Variants in SYT10 observed in about 807,000 individuals in gnomAD.
SYT10 encodes synaptotagmin 10, also known as synaptotagmin-10.
A neutral mutation model predicts 51.1 loss-of-function variants in SYT10; 31 were observed. The observed-to-expected ratio is 0.61, with a 90% CI of 0.46 to 0.82. The LOEUF (loss-of-function observed/expected upper bound fraction) is 0.82. Among genes scored for constraint, SYT10 ranks in the 40% least tolerant of loss-of-function variants. The pLI, the probability that SYT10 is intolerant of heterozygous loss-of-function variation, is 0.00. For synonymous variants in SYT10, 233 were observed against 225.9 expected (o/e 1.03, Z -0.28); for missense variants, 603 against 634.0 (o/e 0.95, Z 0.53).
chr12:33,424,093 T>C (rs555289223), intron 2 of SYT10: 11 of 432,556 alleles, frequency 2.5e-5, no homozygotes, highest in South Asian at 1.3e-4. Context: ...GTTGCAGTTT[T>C]TCCTCTTACA....
intron 2 of SYT10, among the ~76,000 whole-genome samples, chr12:33,411,747 T>C (rs1399716863): frequency 6.6e-6 from 1 of 152,120 alleles, no homozygotes; most frequent in African/African-American, 2.4e-5. Context: ...AATCTTGAAG[T>C]GATTTGTTTC....
At chr12:33,426,632 A>G in intron 1 of SYT10, 137 bp from the exon 2 acceptor site, 1 of 824,368 alleles carries the variant, frequency 1.2e-6, no homozygotes, top group Non-Finnish European at 1.8e-6. Flanking sequence ...TTATCTTTGT[A>G]GGAAGAAAAG....
chr12:33,435,542 C>T (rs1391772530), intron 1 of SYT10, among the ~76,000 whole-genome samples: 4 of 152,186 alleles, frequency 2.6e-5, no homozygotes, highest in East Asian at 1.9e-4. Flanking sequence ...ATTCTGAATT[C>T]ACTGTGGCTC....
intron 3 of SYT10, among the ~76,000 whole-genome samples, chr12:33,392,552 G>A (rs1423437046): frequency 6.6e-6 from 1 of 152,072 alleles, no homozygotes; most frequent in Non-Finnish European, 1.5e-5. Flanking sequence ...ACAAAACCTA[G>A]TGAGATTACT....
intron 1 of SYT10, among the ~76,000 whole-genome samples, chr12:33,437,369 A>G (rs1042265431): frequency 1.5e-4 from 23 of 152,244 alleles, no homozygotes; most frequent in African/African-American, 5.5e-4. Context: ...CCCAAGGGGA[A>G]AAGTTCAAAA....
chr12:33,380,085 C>T, intron 5 of SYT10, 124 bp from the exon 6 acceptor site: 1 of 981,058 alleles, frequency 1.0e-6, no homozygotes, highest in Non-Finnish European at 1.4e-6. Context: ...GCAGATTATG[C>T]TACTTCAGAC....
chr12:33,420,228 T>C (rs184578080), intron 2 of SYT10, among the ~76,000 whole-genome samples: 16 of 152,342 alleles, frequency 1.1e-4, no homozygotes, highest in Admixed American at 9.8e-4. Context: ...TTCTTCTAAA[T>C]TGTGGTCTTT....
chr12:33,390,348 C>A (rs1221832810), intron 3 of SYT10, among the ~76,000 whole-genome samples: 9 of 152,028 alleles, frequency 5.9e-5, no homozygotes, highest in Non-Finnish European at 1.3e-4. Context: ...AAAGGCCATA[C>A]GGGATAATAA....
At chr12:33,398,173 A>C (rs1337437481) in intron 3 of SYT10, among the ~76,000 whole-genome samples, 1 of 152,152 alleles carries the variant, frequency 6.6e-6, no homozygotes, top group African/African-American at 2.4e-5. Flanking sequence ...GATGAGGTCC[A>C]GGCCAGACGG....
chr12:33,400,331 T>C, intron 3 of SYT10, among the ~76,000 whole-genome samples: 1 of 152,196 alleles, frequency 6.6e-6, no homozygotes, highest in Middle Eastern at 3.2e-3. Flanking sequence ...TTTAGTAATG[T>C]GTAATAAAAT....
chr12:33,396,107 A>C (rs1866253914), intron 3 of SYT10, among the ~76,000 whole-genome samples: 1 of 152,208 alleles, frequency 6.6e-6, no homozygotes. Context: ...TATGATCTAG[A>C]CATGAGACTC....
intron 6 of SYT10, among the ~76,000 whole-genome samples, chr12:33,378,534 CAGAG>C (rs1247877184): frequency 6.6e-6 from 1 of 152,086 alleles, no homozygotes; most frequent in Non-Finnish European, 1.5e-5. Context: ...AGTAGACAGC[CAGAG>C]AAACAAAATT....
At chr12:33,400,155 T>C (rs1473328771) in intron 3 of SYT10, among the ~76,000 whole-genome samples, 1 of 152,184 alleles carries the variant, frequency 6.6e-6, no homozygotes, top group African/African-American at 2.4e-5. Flanking sequence ...AAAATGTTAT[T>C]AGCTGACACA....
rs1300709661 is a variant in SYT10 at position 33,439,774 on chromosome 12, C to G, written c.-252G>C. 2.0e-6 allele frequency: 1 copy of G among 488,754 alleles called. No homozygotes were observed. 30.3% of individuals were successfully genotyped at this position (488,754 alleles called of 1,614,324 possible). A position where few individuals can be genotyped will look rare whatever the true frequency, so the allele number is the denominator to read the frequency against. ...GAGGTTTGCGCCAACTCTCCCGCCG[C>G]GCGAGCGAGCCGAGGCGCGCTGGAA... On this transcript the variant is annotated 5_prime_UTR_variant, in exon 1 of 7. Transcript: ENST00000228567.
chr12:33,429,723 G>T (rs957593584), intron 1 of SYT10, among the ~76,000 whole-genome samples: 3 of 152,160 alleles, frequency 2.0e-5, no homozygotes, highest in African/African-American at 7.2e-5. Context: ...ATAGACTGGA[G>T]TTTCTAAATG....
At chr12:33,400,065 C>T (rs1479882739) in intron 3 of SYT10, among the ~76,000 whole-genome samples, 4 of 152,200 alleles carry the variant, frequency 2.6e-5, no homozygotes, top group Non-Finnish European at 4.4e-5. Flanking sequence ...CAGCCCCTGA[C>T]CAGAAAGGTT....
rs527802550 is a variant in SYT10 at position 33,428,057 on chromosome 12, A to G, written c.152-1562T>C. 1.6e-4 allele frequency among the ~76,000 whole-genome samples: 24 copies of G among 152,346 alleles called. No homozygotes were observed. The East Asian group carries it at 4.6e-3, about 29-fold the overall frequency. On this transcript the variant is annotated intron_variant, in intron 1 of 6. Transcript: ENST00000228567. ...AGTTAATAGATTACAAGAGCTATCC[A>G]TGTGAGAGACTAGTGGTTCTGAACC... is the stretch of plus-strand genomic sequence containing the variant.
rs184367299 is a variant in SYT10 at position 33,379,503 on chromosome 12, T to G, written c.1500+329A>C. On this transcript the variant is annotated intron_variant, in intron 6 of 6. Coordinates refer to ENST00000228567, the MANE Select transcript of SYT10 (RefSeq NM_198992.4). ...ATGCAGTTTCCAGTTAGTAATAAAC[T>G]TATTAGATTGCTCCAGCACTCACTG... Among the ~76,000 whole-genome samples the G allele has an allele frequency of 1.6e-4, 21 of 134,254 alleles. No individual in the cohort carries two copies. The East Asian group carries it at 4.6e-3, about 29-fold the overall frequency. The allele number at this position is 134,254 out of a possible 152,430, so 88.1% of individuals were successfully genotyped here.
chr12:33,420,296 G>T (rs1866491109), intron 2 of SYT10, among the ~76,000 whole-genome samples: 1 of 152,060 alleles, frequency 6.6e-6, no homozygotes, highest in South Asian at 2.1e-4. Flanking sequence ...CATTTACTAG[G>T]AACTAAGAAA....
Sources: gnomAD v4.1 joint callset for allele counts (sites outside exome capture counted in the v4.1 genomes callset) on GRCh38, gnomAD v4.1.1 for gene constraint, MANE v1.5 for transcripts, NCBI Gene and HGNC (gene_info 2026-07-23, HGNC 2026-07-21) for gene names.